Variants in PTPRD observed in about 807,000 individuals in gnomAD.
The protein encoded by PTPRD is receptor-type tyrosine-protein phosphatase delta.
Under a neutral mutation model 214.5 loss-of-function variants are expected in PTPRD, and 34 were observed. The observed-to-expected ratio is 0.16, with a 90% CI of 0.12 to 0.21. The LOEUF (loss-of-function observed/expected upper bound fraction) is 0.21, where lower values mean the gene tolerates loss of function less well. Among genes scored for constraint, PTPRD ranks in the 10% least tolerant of loss-of-function variants. The pLI, the probability that PTPRD is intolerant of heterozygous loss-of-function variation, is 1.00. For missense variants in PTPRD, 2,545 were observed against 2,398.7 expected, an observed-to-expected ratio of 1.06 and a Z score of -1.27; for synonymous variants, 1,128 against 845.7, an observed-to-expected ratio of 1.33 and a Z score of -5.79.
At chr9:9,325,940 A>G (rs76575808) in intron 9 of PTPRD, among the ~76,000 whole-genome samples, 2 of 152,138 alleles carry the variant, frequency 1.3e-5, no homozygotes, top group African/African-American at 4.8e-5. Flanking sequence ...TTCTGCTTCT[A>G]TTGAGATAAT....
At chr9:9,061,658 A>G (rs324500) in intron 10 of PTPRD, among the ~76,000 whole-genome samples, 42,032 of 152,058 alleles carry the variant, frequency 0.28, 6,662 homozygotes, top group Non-Finnish European at 0.35. Flanking sequence ...CTCCATTAAA[A>G]ATATTAATAA....
intron 10 of PTPRD, among the ~76,000 whole-genome samples, chr9:9,103,829 A>T (rs1426869816): frequency 6.6e-6 from 1 of 152,062 alleles, no homozygotes; most frequent in African/African-American, 2.4e-5. Flanking sequence ...AAAAATACAA[A>T]AAATTAGCTG....
At chr9:10,296,947 C>T (rs1320070041) in intron 3 of PTPRD, among the ~76,000 whole-genome samples, 1 of 151,746 alleles carries the variant, frequency 6.6e-6, no homozygotes, top group South Asian at 2.1e-4. Context: ...CAATATTTCC[C>T]ATTCTTCATT....
At chr9:10,416,874 C>G (rs1324134776) in intron 2 of PTPRD, among the ~76,000 whole-genome samples, 1 of 151,700 alleles carries the variant, frequency 6.6e-6, no homozygotes, top group African/African-American at 2.4e-5. Flanking sequence ...GGAGAGAGTT[C>G]TGAGGTGAGG....
chr9:10,219,490 T>A (rs2099556050), intron 3 of PTPRD, among the ~76,000 whole-genome samples: 1 of 151,768 alleles, frequency 6.6e-6, no homozygotes, highest in South Asian at 2.1e-4. Flanking sequence ...AGCAAAGGAA[T>A]GTAATTTAAA....
intron 40 of PTPRD, 107 bp from the exon 41 acceptor site, chr9:8,341,375 TTTAC>T: frequency 8.1e-7 from 1 of 1,232,554 alleles, no homozygotes; most frequent in Non-Finnish European, 1.1e-6. Context: ...AAATCTTTTG[TTTAC>T]TTAAAGTAAA....
At chr9:9,158,871 G>A (rs2099883699) in intron 10 of PTPRD, among the ~76,000 whole-genome samples, 1 of 151,916 alleles carries the variant, frequency 6.6e-6, no homozygotes, top group Non-Finnish European at 1.5e-5. Flanking sequence ...TGATCAAGTG[G>A]GATTTATCCT....
chr9:10,293,870 G>A (rs995386050), intron 3 of PTPRD, among the ~76,000 whole-genome samples: 3 of 151,896 alleles, frequency 2.0e-5, no homozygotes, highest in African/African-American at 7.2e-5. Flanking sequence ...TTGTTGAAAT[G>A]TTCTTAAGAA....
Position 8,762,799 on chromosome 9 carries a change from T to C in PTPRD, c.-103-28853A>G, listed in dbSNP as rs144034778. On this transcript the variant is annotated intron_variant, in intron 11 of 45. Transcript: ENST00000381196. Reference sequence around the variant, plus strand: ...GAGAAATTTTTATGATACTCAGAGATATAGCTATATAGATAAGTGAGCCAG... The same window carrying C: ...GAGAAATTTTTATGATACTCAGAGACATAGCTATATAGATAAGTGAGCCAG... Among the ~76,000 whole-genome samples the C allele has an allele frequency of 3.3e-4, 50 of 152,286 alleles. 1 individual carries two copies. The East Asian group carries it at 8.3e-3, about 25-fold the overall frequency.
At position 9,857,675 on chromosome 9, in the gene PTPRD, T is replaced by C. The variant is rs557807961; in HGVS notation, c.-368+80832A>G. On this transcript the variant is annotated intron_variant, in intron 5 of 45. Transcript: ENST00000381196. ...CTGCCCATATTATACAAAATGTAAA[T>C]GGTAGTTAAGTCAGGCAGCAGACAG... Among the ~76,000 whole-genome samples, 5 of 152,314 alleles carry C rather than the reference T, an allele frequency of 3.3e-5. No homozygotes were observed. The South Asian group carries it at 1.0e-3, about 32-fold the overall frequency.
intron 2 of PTPRD, among the ~76,000 whole-genome samples, chr9:10,599,626 T>C (rs10959195): frequency 0.33 from 50,330 of 151,642 alleles, 9,033 homozygotes; most frequent in East Asian, 0.5. Context: ...ATTGCAACAT[T>C]TTCTTCAAAG....
intron 3 of PTPRD, among the ~76,000 whole-genome samples, chr9:10,121,658 T>A (rs1283129085): frequency 6.6e-6 from 1 of 152,228 alleles, no homozygotes; most frequent in African/African-American, 2.4e-5. Flanking sequence ...TCTTCCATTT[T>A]CACTTATCTC....
At chr9:10,474,678 T>C (rs2099051644) in intron 2 of PTPRD, among the ~76,000 whole-genome samples, 1 of 152,112 alleles carries the variant, frequency 6.6e-6, no homozygotes, top group African/African-American at 2.4e-5. Context: ...ATCAACAGAA[T>C]ATACACTCCT....
chr9:10,264,765 C>A (rs1227637932), intron 3 of PTPRD, among the ~76,000 whole-genome samples: 3 of 151,980 alleles, frequency 2.0e-5, no homozygotes, highest in Non-Finnish European at 2.9e-5. Context: ...TTGGGAGGGA[C>A]CAGGGGCGGA....
chr9:8,939,077 T>C (rs906313122), intron 11 of PTPRD, among the ~76,000 whole-genome samples: 3 of 152,190 alleles, frequency 2.0e-5, no homozygotes, highest in Admixed American at 1.3e-4. Flanking sequence ...ATTTTGAATG[T>C]ACATTATCTG....
chr9:10,478,078 T>A (rs1055442455), intron 2 of PTPRD, among the ~76,000 whole-genome samples: 8 of 151,978 alleles, frequency 5.3e-5, no homozygotes, highest in Non-Finnish European at 1.0e-4. Flanking sequence ...GAAACCACCA[T>A]GGTACATGTA....
intron 9 of PTPRD, among the ~76,000 whole-genome samples, chr9:9,366,956 GA>G (rs1165759770): frequency 6.6e-6 from 1 of 150,590 alleles, no homozygotes; most frequent in Non-Finnish European, 1.5e-5. Flanking sequence ...AAATAAAAAT[GA>G]AAAAAATTAC....
At chr9:8,874,510 T>A (rs2098358052) in intron 11 of PTPRD, among the ~76,000 whole-genome samples, 1 of 152,202 alleles carries the variant, frequency 6.6e-6, no homozygotes, top group South Asian at 2.1e-4. Context: ...TTCTCTTCAC[T>A]CTGCACCTCC....
chr9:8,598,147 C>T (rs1048557001), intron 14 of PTPRD, among the ~76,000 whole-genome samples: 13 of 152,086 alleles, frequency 8.5e-5, no homozygotes, highest in Non-Finnish European at 1.9e-4. Context: ...CATGATTAGA[C>T]TTTCATACAT....
Sources: gnomAD v4.1 joint callset for allele counts (sites outside exome capture counted in the v4.1 genomes callset) on GRCh38, gnomAD v4.1.1 for gene constraint, MANE v1.5 for transcripts, NCBI Gene and HGNC (gene_info 2026-07-23, HGNC 2026-07-21) for gene names.